Variants in HK1 observed in about 807,000 individuals in gnomAD.
HK1 encodes hexokinase 1.
In HK1, 28 loss-of-function variants were observed where a neutral mutation model predicts 91.6. The observed-to-expected ratio is 0.31, with a 90% CI of 0.23 to 0.42. The LOEUF (loss-of-function observed/expected upper bound fraction) is 0.42. Among genes scored for constraint, HK1 ranks in the 10% least tolerant of loss-of-function variants. The probability of loss-of-function intolerance (pLI) is 1.00; values close to 1 mark genes in which losing one functional copy is unlikely to be tolerated. For missense variants in HK1, 770 were observed against 1,219.8 expected (o/e 0.63, Z 5.49); for synonymous variants, 430 against 468.1 (o/e 0.92, Z 1.05).
At chr10:69,391,881 G>A (rs1839911999) in intron 14 of HK1, among the ~76,000 whole-genome samples, 1 of 152,150 alleles carries the variant, frequency 6.6e-6, no homozygotes, top group Admixed American at 6.5e-5. Context: ...TGCCTGGACG[G>A]GTGAACACAT....
At chr10:69,379,096 T>C (rs183666060) in intron 8 of HK1, among the ~76,000 whole-genome samples, 15 of 152,302 alleles carry the variant, frequency 9.8e-5, no homozygotes, top group African/African-American at 3.6e-4. Context: ...GTACATTTTA[T>C]TTAATCTGGT....
At chr10:69,275,076 T>C (rs755803119) in intron 1 of HK1, among the ~76,000 whole-genome samples, 1 of 152,084 alleles carries the variant, frequency 6.6e-6, no homozygotes, top group Non-Finnish European at 1.5e-5. Context: ...TTTATCCATA[T>C]ATATTTTTTC....
chr10:69,314,557 C>A (rs1004981471), upstream of HK1, among the ~76,000 whole-genome samples: 1 of 152,180 alleles, frequency 6.6e-6, no homozygotes, highest in Non-Finnish European at 1.5e-5. Context: ...CTCTTTGAGA[C>A]CTTAACAAAC....
chr10:69,362,378 T>C (rs888651043), intron 3 of HK1, among the ~76,000 whole-genome samples: 8 of 151,806 alleles, frequency 5.3e-5, no homozygotes, highest in Non-Finnish European at 1.2e-4. Context: ...TGCCTGGCCA[T>C]AGTGTGTGTA....
intron 1 of HK1, among the ~76,000 whole-genome samples, chr10:69,272,462 G>A (rs531005664): frequency 1.3e-5 from 2 of 152,264 alleles, no homozygotes; most frequent in African/African-American, 4.8e-5. Flanking sequence ...AGCACTGATG[G>A]TAGTAAATTC....
rs750237818 is a variant in HK1 at position 69,392,245 on chromosome 10, A to G, written c.2156A>G (p.Asp719Gly). Residue 719 changes from aspartate to glycine, a missense_variant, in exon 15 of 18, where the codon GAT (aspartate) becomes GGT (glycine). By Grantham distance (94) the Asp-to-Gly change is moderately conservative. Around this residue, in one of 7 missense-constraint regions of HK1, gnomAD observed 152 missense variants for 211.1 expected, o/e 0.72. Transcript: ENST00000359426. ...WGAFGDNGCL[D>G]DIRTHYDRLV... ...GCCTTTGGGGACAACGGGTGTCTGGATGATATCAGGACACACTACGACAGA... is the reference window on the plus strand; with the variant it reads ...GCCTTTGGGGACAACGGGTGTCTGGGTGATATCAGGACACACTACGACAGA... 6.2e-7 allele frequency: 1 copy of G among 1,614,172 alleles called. No homozygotes were observed. Among genetic ancestry groups the G allele is most frequent in the Non-Finnish European group, 8.5e-7 (1 of 1,180,042 alleles).
chr10:69,363,334 C>G (rs971637132), intron 3 of HK1, among the ~76,000 whole-genome samples: 1 of 152,196 alleles, frequency 6.6e-6, no homozygotes, highest in Non-Finnish European at 1.5e-5. Context: ...GTTCTTAGTT[C>G]TACTAACCAC....
chr10:69,386,503 G>T (rs977021140), intron 13 of HK1, 85 bp downstream of exon 13: 20 of 1,124,860 alleles, frequency 1.8e-5, no homozygotes, highest in Non-Finnish European at 2.6e-5. Context: ...AAGAATTCAG[G>T]CCAGGCGTGG....
intron 11 of HK1, 24 bp downstream of exon 11, chr10:69,384,505 A>G (rs1340614491): frequency 2.5e-6 from 4 of 1,613,960 alleles, no homozygotes; most frequent in Non-Finnish European, 1.7e-6. Flanking sequence ...ACCATAGTGC[A>G]TGTGCACTGC....
Position 69,389,257 on chromosome 10 carries a change from G to T in HK1, c.1996G>T (p.Ala666Ser). Residue 666 changes from alanine to serine, a missense_variant, in exon 14 of 18, where the codon GCT becomes TCT. Ala to Ser is a moderately conservative substitution (Grantham distance 99). This residue lies in a region of HK1 where 152 missense variants were observed against 211.1 expected (regional missense o/e 0.72). Coordinates refer to ENST00000359426, the MANE Select transcript of HK1 (RefSeq NM_000188.3). The stretch of plus-strand genomic sequence containing the variant: ...CACAGTGGGCACCATGATGACCTGT[G>T]CTTATGAGGAGCCCACCTGTGAGGT... ...NDTVGTMMTC[A>S]YEEPTCEVGL... 1 of 1,613,688 alleles carries T rather than the reference G, an allele frequency of 6.2e-7. No individual in the cohort carries two copies. Among genetic ancestry groups the T allele is most frequent in the Non-Finnish European group, 8.5e-7 (1 of 1,179,772 alleles).
intron 1 of HK1, among the ~76,000 whole-genome samples, chr10:69,322,515 G>C (rs971871382): frequency 2.6e-5 from 4 of 152,140 alleles, no homozygotes; most frequent in Non-Finnish European, 5.9e-5. Flanking sequence ...GGGGAGAGTA[G>C]GCTTAGCAAT....
intron 7 of HK1, among the ~76,000 whole-genome samples, chr10:69,370,876 A>G (rs1222991069): frequency 1.3e-5 from 2 of 152,180 alleles, no homozygotes; most frequent in Non-Finnish European, 2.9e-5. Flanking sequence ...TATTTCCTGA[A>G]GTGCCTGCTC....
intron 7 of HK1, among the ~76,000 whole-genome samples, chr10:69,375,699 G>A (rs1564552424): frequency 6.6e-6 from 1 of 152,220 alleles, no homozygotes; most frequent in Non-Finnish European, 1.5e-5. Context: ...CCGCAGAGGA[G>A]CGGCGGGCTG....
In HK1 at chr10:69,392,295, G is replaced by A; in HGVS notation, c.2206G>A (p.Ala736Thr). The A allele has an allele frequency of 1.2e-6, 2 of 1,614,202 alleles. No homozygotes were observed. Among genetic ancestry groups the A allele is most frequent in the Non-Finnish European group, 1.7e-6 (2 of 1,180,030 alleles). Residue 736 changes from alanine to threonine, a missense_variant, in exon 15 of 18, where the codon GCT becomes ACT. Ala to Thr is a moderately conservative substitution (Grantham distance 58, BLOSUM62 0). This residue lies in a region of HK1 where 152 missense variants were observed against 211.1 expected (regional missense o/e 0.72). Coordinates refer to ENST00000359426, the MANE Select transcript of HK1 (RefSeq NM_000188.3). ...ACTGGTGGACGAATATTCCCTAAAT[G>A]CTGGGAAACAAAGGTAACCCCGCCT... ...DRLVDEYSLN[A>T]GKQRYEKMIS...
chr10:69,273,049 G>A (rs1371835419), intron 1 of HK1, among the ~76,000 whole-genome samples: 1 of 43,730 alleles, frequency 2.3e-5, no homozygotes, highest in Non-Finnish European at 4.2e-5. Flanking sequence ...TTTTTTTTTT[G>A]AGATGGAGTC....
intron 13 of HK1, 123 bp downstream of exon 13, chr10:69,386,541 T>A (rs1478579690): frequency 1.4e-6 from 1 of 709,774 alleles, no homozygotes; most frequent in African/African-American, 1.8e-5. Flanking sequence ...CCCAGCACTT[T>A]GGGAGGCCGA....
At chr10:69,335,693 C>A (rs1298567818) in intron 1 of HK1, among the ~76,000 whole-genome samples, 2 of 152,200 alleles carry the variant, frequency 1.3e-5, no homozygotes, top group Non-Finnish European at 2.9e-5. Context: ...CTGTAAGGAC[C>A]AACAGGTAAA....
intron 8 of HK1, among the ~76,000 whole-genome samples, chr10:69,377,663 A>G (rs1036136928): frequency 6.6e-6 from 1 of 152,252 alleles, no homozygotes; most frequent in African/African-American, 2.4e-5. Flanking sequence ...GACTCACAGT[A>G]AAAAAGAATA....
At chr10:69,400,533 G>A (rs562158663) in intron 17 of HK1, among the ~76,000 whole-genome samples, 1 of 152,276 alleles carries the variant, frequency 6.6e-6, no homozygotes, top group East Asian at 1.9e-4. Flanking sequence ...GTGCTTGGCT[G>A]GCTTGCACCT....
Sources: gnomAD v4.1 joint callset for allele counts (sites outside exome capture counted in the v4.1 genomes callset) on GRCh38, gnomAD v4.1.1 for gene constraint, gnomAD v4.1.1 regional missense constraint, MANE v1.5 for transcripts, NCBI Gene and HGNC (gene_info 2026-07-23, HGNC 2026-07-21) for gene names.